DTNB: variants seen among roughly 807,000 people sequenced by gnomAD.
DTNB encodes dystrobrevin beta.
A neutral mutation model predicts 90.7 loss-of-function variants in DTNB; 63 were observed. The observed-to-expected ratio is 0.69, with a 90% CI of 0.57 to 0.86. DTNB has a LOEUF of 0.86. DTNB is among the 40% of genes least tolerant of loss of function. The pLI, the probability that DTNB is intolerant of heterozygous loss-of-function variation, is 0.00. For missense variants in DTNB, 744 were observed against 807.1 expected (o/e 0.92, Z 0.95); for synonymous variants, 277 against 286.7 (o/e 0.97, Z 0.34).
At chr2:25,610,163 TAC>T (rs1463930364) in intron 4 of DTNB, among the ~76,000 whole-genome samples, 11 of 152,136 alleles carry the variant, frequency 7.2e-5, no homozygotes, top group African/African-American at 2.7e-4. Context: ...CAGGCTGAAA[TAC>T]AGTGGCGTGA....
intron 10 of DTNB, among the ~76,000 whole-genome samples, chr2:25,468,721 G>A (rs951913000): frequency 6.0e-4 from 92 of 152,080 alleles, no homozygotes; most frequent in African/African-American, 2.2e-3. Context: ...TTCTGTCTTC[G>A]GGGCTCATGA....
At chr2:25,535,921 C>G (rs1290920755) in intron 8 of DTNB, among the ~76,000 whole-genome samples, 2 of 142,954 alleles carry the variant, frequency 1.4e-5, no homozygotes, top group Non-Finnish European at 3.0e-5. Flanking sequence ...TTCGGGACAG[C>G]CAGGCAGAGG....
chr2:25,668,414 C>T (rs1574275745), intron 1 of DTNB, among the ~76,000 whole-genome samples: 1 of 152,156 alleles, frequency 6.6e-6, no homozygotes, highest in African/African-American at 2.4e-5. Flanking sequence ...CATGTAATGA[C>T]ATTTATTCTG....
intron 16 of DTNB, among the ~76,000 whole-genome samples, chr2:25,410,678 G>A (rs886132621): frequency 4.6e-5 from 7 of 152,112 alleles, no homozygotes; most frequent in African/African-American, 9.7e-5. Context: ...CTTCAGTCAC[G>A]CCACCCTGCC....
intron 6 of DTNB, among the ~76,000 whole-genome samples, chr2:25,581,519 C>T (rs1415070230): frequency 6.6e-6 from 1 of 152,216 alleles, no homozygotes; most frequent in African/African-American, 2.4e-5. Context: ...AGCTAGACTG[C>T]ATTTTTCTGT....
At chr2:25,402,733 G>T (rs138747336) in intron 16 of DTNB, among the ~76,000 whole-genome samples, 41 of 152,340 alleles carry the variant, frequency 2.7e-4, no homozygotes, top group African/African-American at 9.6e-4. Context: ...GGTGAGGCAA[G>T]CTGCGGTAAG....
Position 25,576,857 on chromosome 2 carries a change from A to T in DTNB, c.857T>A (p.Met286Lys). ...AGTTACCCAAGAGGAATGCTCCTTC[A>T]TCTGGTGCTGGTTGCTGTGAGGGCC... The part of the protein sequence containing the change: ...AGGPHSNQHQ[M>K]KEHSSWKSPA... Residue 286 changes from methionine to lysine, a missense_variant, in exon 8 of 21, where the codon ATG (methionine) becomes AAG (lysine). Coordinates refer to ENST00000406818, the MANE Select transcript of DTNB (RefSeq NM_021907.5). The T allele has an allele frequency of 6.2e-7, 1 of 1,612,804 alleles. No homozygotes were observed. The highest frequency in any genetic ancestry group is 8.5e-7 in the Non-Finnish European group (1 of 1,179,404).
intron 15 of DTNB, among the ~76,000 whole-genome samples, chr2:25,422,629 C>T (rs2050142043): frequency 6.6e-6 from 1 of 151,910 alleles, no homozygotes; most frequent in African/African-American, 2.4e-5. Flanking sequence ...TGGTCTTGAC[C>T]TCAGGTGATC....
At chr2:25,547,323 C>CTT (rs57298172) in intron 8 of DTNB, among the ~76,000 whole-genome samples, 2,725 of 115,568 alleles carry the variant, frequency 0.024, 137 homozygotes, top group African/African-American at 0.082. Context: ...TCTTTCTTTC[C>CTT]TTTTTTTTTT....
chr2:25,545,880 C>G (rs1022035916), intron 8 of DTNB, among the ~76,000 whole-genome samples: 1 of 152,202 alleles, frequency 6.6e-6, no homozygotes, highest in South Asian at 2.1e-4. Flanking sequence ...CCTTGGCCCC[C>G]CAAAGTGCTG....
intron 8 of DTNB, 31 bp from the exon 9 acceptor site, chr2:25,531,628 A>C (rs1266388494): frequency 6.9e-6 from 11 of 1,591,944 alleles, no homozygotes; most frequent in Non-Finnish European, 9.4e-6. Flanking sequence ...GTAAGGAATT[A>C]ACCCTTCAAA....
chr2:25,572,284 G>A (rs779874395), intron 8 of DTNB, among the ~76,000 whole-genome samples: 1 of 152,048 alleles, frequency 6.6e-6, no homozygotes, highest in Admixed American at 6.6e-5. Flanking sequence ...TAGCTAACAC[G>A]GTGAAACCCT....
intron 8 of DTNB, among the ~76,000 whole-genome samples, chr2:25,547,323 C>CTTTTT (rs57298172): frequency 1.7e-5 from 2 of 115,612 alleles, no homozygotes; most frequent in African/African-American, 3.4e-5. Flanking sequence ...TCTTTCTTTC[C>CTTTTT]TTTTTTTTTT....
At chr2:25,449,277 T>C (rs946439349) in intron 12 of DTNB, among the ~76,000 whole-genome samples, 1 of 152,246 alleles carries the variant, frequency 6.6e-6, no homozygotes, top group Non-Finnish European at 1.5e-5. Context: ...TATTATGAAT[T>C]GAACTGCTAT....
intron 8 of DTNB, among the ~76,000 whole-genome samples, chr2:25,556,442 TGG>T (rs1375550403): frequency 6.6e-6 from 1 of 152,196 alleles, no homozygotes; most frequent in Admixed American, 6.5e-5. Flanking sequence ...GCAAGTTGGC[TGG>T]GCATAAAATG....
intron 15 of DTNB, among the ~76,000 whole-genome samples, chr2:25,422,054 A>G (rs988244863): frequency 6.6e-6 from 1 of 152,246 alleles, no homozygotes; most frequent in African/African-American, 2.4e-5. Flanking sequence ...CTGTCAACAC[A>G]GTAAACAGGT....
intron 16 of DTNB, among the ~76,000 whole-genome samples, chr2:25,406,135 C>T (rs2045101844): frequency 6.6e-6 from 1 of 152,070 alleles, no homozygotes; most frequent in Non-Finnish European, 1.5e-5. Context: ...GGGGCCCACC[C>T]TTCCGATAGC....
intron 2 of DTNB, among the ~76,000 whole-genome samples, chr2:25,641,019 T>C (rs1248027917): frequency 6.6e-6 from 1 of 152,096 alleles, no homozygotes; most frequent in Non-Finnish European, 1.5e-5. Flanking sequence ...ATAACTATAA[T>C]ACTTTCGGAA....
chr2:25,492,172 A>G (rs1365512282), intron 9 of DTNB, among the ~76,000 whole-genome samples: 2 of 152,208 alleles, frequency 1.3e-5, no homozygotes, highest in Non-Finnish European at 2.9e-5. Flanking sequence ...TACAAAGTAT[A>G]GTTTTGGAGT....
Sources: gnomAD v4.1 joint callset for allele counts (sites outside exome capture counted in the v4.1 genomes callset) on GRCh38, gnomAD v4.1.1 for gene constraint, MANE v1.5 for transcripts, NCBI Gene and HGNC (gene_info 2026-07-23, HGNC 2026-07-21) for gene names.